Variants in COL4A3 observed in about 807,000 individuals in gnomAD.
COL4A3 encodes the protein collagen alpha-3(IV) chain.
COL4A3 carries 135 observed loss-of-function variants against 217.4 expected under a neutral mutation model. The ratio of observed to expected loss-of-function variants is 0.62; its 90% CI spans 0.54 to 0.72. The LOEUF is 0.72. Ranked by LOEUF, COL4A3 falls within the 30% of genes least tolerant of loss-of-function variation. The probability of loss-of-function intolerance (pLI) is 0.00; values close to 1 mark genes in which losing one functional copy is unlikely to be tolerated. For synonymous variants in COL4A3, 690 were observed against 736.3 expected, an observed-to-expected ratio of 0.94 and a Z score of 1.02; for missense variants, 1,868 against 2,119.9, an observed-to-expected ratio of 0.88 and a Z score of 2.33.
chr2:227,187,118 T>C (rs1270075138), intron 1 of COL4A3, among the ~76,000 whole-genome samples: 1 of 152,226 alleles, frequency 6.6e-6, no homozygotes, highest in Non-Finnish European at 1.5e-5. Flanking sequence ...AATTCATTTC[T>C]TCTATCTTTG....
Position 227,276,703 on chromosome 2 carries a change from G to A in COL4A3, c.2020+226G>A, listed in dbSNP as rs375094382. On this transcript the variant is annotated intron_variant, in intron 27 of 51. Transcript: ENST00000396578. The stretch of plus-strand genomic sequence containing the variant: ...TGGTGCTTCTAATATAAAGGTTCCC[G>A]AGGAGAACCTATGTAACTACTTAAG... Among the ~76,000 whole-genome samples, 38 of 152,328 alleles carry A rather than the reference G, an allele frequency of 2.5e-4. No individual in the cohort carries two copies. The East Asian group carries it at 4.0e-3, about 16-fold the overall frequency.
chr2:227,307,850 G>A lies in COL4A3; in HGVS notation c.4393G>A (p.Val1465Met). The change falls in exon 48 of 52, where the codon GTG (valine) becomes ATG (methionine). Residue 1465 changes from valine to methionine, a missense_variant. Physicochemically the swap from Val to Met is conservative, Grantham distance 21 (BLOSUM62 1). Around this residue, in one of 2 missense-constraint regions of COL4A3, gnomAD observed 1,503 missense variants for 1,786.1 expected, o/e 0.84. Transcript: ENST00000396578. ...AATTCCTTCATGTCCAGAGGGGACA[G>A]TGCCACTCTACAGTGGGTTTTCTTT... ...TAIPSCPEGTVPLYSGFSFLF... is the reference protein window; with the variant it reads ...TAIPSCPEGTMPLYSGFSFLF... The A allele has an allele frequency of 1.2e-6, 2 of 1,614,164 alleles. No individual in the cohort carries two copies. The highest frequency in any genetic ancestry group is 4.5e-5 in the East Asian group (2 of 44,882).
At chr2:227,295,394 G>C (rs1290269343) in intron 41 of COL4A3, 78 bp downstream of exon 41, 73 of 1,276,366 alleles carry the variant, frequency 5.7e-5, no homozygotes, top group Non-Finnish European at 8.0e-5. Context: ...GAAATATAAA[G>C]TAAGCTTAAC....
chr2:227,203,306 T>G (rs200000265), intron 1 of COL4A3, among the ~76,000 whole-genome samples: 1 of 52,366 alleles, frequency 1.9e-5, no homozygotes, highest in Non-Finnish European at 3.4e-5. Context: ...TGTATATATG[T>G]GTATATATAC....
chr2:227,257,550 T>G, intron 17 of COL4A3, 53 bp from the exon 18 acceptor site: 2 of 1,468,616 alleles, frequency 1.4e-6, no homozygotes, highest in Non-Finnish European at 9.5e-7. Flanking sequence ...GCTTTTTATA[T>G]GTAAATACTT....
At chr2:227,256,242 G>A (rs2125941321) in intron 16 of COL4A3, 101 bp from the exon 17 acceptor site, 2 of 1,188,730 alleles carry the variant, frequency 1.7e-6, no homozygotes, top group East Asian at 2.3e-5. Flanking sequence ...GATCATCTGA[G>A]CACATTCTTT....
chr2:227,253,738 C>G lies in COL4A3; in HGVS notation c.765+100C>G, dbSNP rs1024847290. Reference sequence around the variant, plus strand: ...TTTACAAGCTCTTGTTATCTAAGTCCAGCTCAGCCCAGCTCCCTCAGCCAG... The same window carrying G: ...TTTACAAGCTCTTGTTATCTAAGTCGAGCTCAGCCCAGCTCCCTCAGCCAG... On this transcript the variant is annotated intron_variant, in intron 13 of 51. Transcript: ENST00000396578. This position sits in a 1 kb window ranked among gnomAD's most constrained non-coding sequence, Gnocchi z 4.4. 16 of 989,876 alleles carry G rather than the reference C, an allele frequency of 1.6e-5. No individual in the cohort carries two copies. Among genetic ancestry groups the G allele is most frequent in the Non-Finnish European group, 2.6e-5 (16 of 613,088 alleles). 61.3% of individuals were successfully genotyped at this position (989,876 alleles called of 1,614,324 possible).
chr2:227,239,272 G>A (rs2068879890), intron 2 of COL4A3, among the ~76,000 whole-genome samples: 1 of 152,134 alleles, frequency 6.6e-6, no homozygotes, highest in African/African-American at 2.4e-5. Flanking sequence ...ACAACCATTT[G>A]CAAAGCATTT....
In COL4A3 at chr2:227,164,831, G is replaced by T; in HGVS notation, c.87+18G>T. ...CCAGCAAGGTGAGTGGGGGCTGCGC[G>T]ACCCCCACCCCCGCACTTCCATCCC... On this transcript the variant is annotated intron_variant, in intron 1 of 51. Transcript: ENST00000396578. This position sits in a 1 kb window ranked among gnomAD's most constrained non-coding sequence, Gnocchi z 4.8. 1 of 1,500,974 alleles carries T rather than the reference G, an allele frequency of 6.7e-7. No individual in the cohort carries two copies. Among genetic ancestry groups the T allele is most frequent in the South Asian group, 1.2e-5 (1 of 80,034 alleles). 93.0% of individuals were successfully genotyped at this position (1,500,974 alleles called of 1,614,324 possible).
At chr2:227,280,094 C>A (rs1310588430) in intron 29 of COL4A3, among the ~76,000 whole-genome samples, 2 of 152,214 alleles carry the variant, frequency 1.3e-5, no homozygotes, top group African/African-American at 4.8e-5. Context: ...ATGCAGATTT[C>A]ATCGTGATAT....
intron 50 of COL4A3, among the ~76,000 whole-genome samples, chr2:227,309,612 T>A (rs559824714): frequency 2.6e-5 from 4 of 152,242 alleles, no homozygotes; most frequent in Non-Finnish European, 4.4e-5. Flanking sequence ...TTATTTTTTT[T>A]ATCTTTTGAG....
intron 24 of COL4A3, 130 bp from the exon 25 acceptor site, chr2:227,270,639 GT>G: frequency 1.2e-6 from 1 of 848,808 alleles, no homozygotes; most frequent in Non-Finnish European, 1.9e-6. Context: ...TGTAATAATA[GT>G]TGTGGACCAA....
intron 5 of COL4A3, 24 bp from the exon 6 acceptor site, chr2:227,245,930 C>A (rs772238189): frequency 1.2e-6 from 2 of 1,603,678 alleles, no homozygotes; most frequent in Non-Finnish European, 1.7e-6. Context: ...TGACCCTCCT[C>A]ATTGAGACTT....
chr2:227,195,665 A>ATGTGTGTG (rs769877364), intron 1 of COL4A3, among the ~76,000 whole-genome samples: 5,243 of 128,718 alleles, frequency 0.041, 130 homozygotes, highest in East Asian at 0.09. Context: ...ATATATATAT[A>ATGTGTGTG]TATGTGTGTG....
chr2:227,214,009 G>C (rs1287615480), intron 1 of COL4A3, among the ~76,000 whole-genome samples: 3 of 151,794 alleles, frequency 2.0e-5, no homozygotes, highest in Non-Finnish European at 4.4e-5. Flanking sequence ...AGGTGAAATT[G>C]TGTTCCCAGA....
chr2:227,287,029 G>A (rs1187654232), intron 34 of COL4A3, among the ~76,000 whole-genome samples: 22 of 152,158 alleles, frequency 1.4e-4, no homozygotes. Flanking sequence ...CACATAATGG[G>A]TCCATAAACA....
In COL4A3 at chr2:227,195,843, G is replaced by A. The variant is rs554879489; in HGVS notation, c.87+31030G>A. 4.0e-5 allele frequency among the ~76,000 whole-genome samples: 6 copies of A among 151,820 alleles called. No individual in the cohort carries two copies. In the South Asian group the frequency reaches 6.2e-4, roughly 16 times the overall value. ...CAACAAGAGGTGGAGATGGAAGACA[G>A]TAGTATTGATGATCCCGACCGTGTA... On this transcript the variant is annotated intron_variant, in intron 1 of 51. Coordinates refer to ENST00000396578, the MANE Select transcript of COL4A3 (RefSeq NM_000091.5).
rs769134662 is a variant in COL4A3, at chr2:227,266,429, T to C, written c.1328T>C (p.Phe443Ser). 3 of 1,613,948 alleles carry C rather than the reference T, an allele frequency of 1.9e-6. No individual in the cohort carries two copies. The highest frequency in any genetic ancestry group is 1.3e-5 in the African/African-American group (1 of 74,936). Residue 443 changes from phenylalanine (F) to serine (S), a missense_variant, in exon 22 of 52, where the codon TTT becomes TCT. Physicochemically the swap from Phe to Ser is radical, Grantham distance 155. Coordinates refer to ENST00000396578, the MANE Select transcript of COL4A3 (RefSeq NM_000091.5). Reference protein sequence around the residue: ...GPPGPPGDIVFRKGPPGDHGL... With the variant: ...GPPGPPGDIVSRKGPPGDHGL... ...TGTATTTTTATAGGTGACATCGTTT[T>C]TCGCAAGGGTCCACCTGGAGATCAC...
chr2:227,267,791 GGA>G (rs1491417060), intron 23 of COL4A3, among the ~76,000 whole-genome samples: 1 of 58,412 alleles, frequency 1.7e-5, no homozygotes, highest in African/African-American at 6.9e-5. Context: ...AATTTTGAAA[GGA>G]AAAAAAAAAA....
Sources: gnomAD v4.1 joint callset for allele counts (sites outside exome capture counted in the v4.1 genomes callset) on GRCh38, gnomAD v4.1.1 for gene constraint, gnomAD v4.1.1 regional missense constraint, Gnocchi (gnomAD v3.1) non-coding constraint, MANE v1.5 for transcripts, NCBI Gene and HGNC (gene_info 2026-07-23, HGNC 2026-07-21) for gene names.